Variants in SDK1 observed in about 807,000 individuals in gnomAD.
SDK1 encodes the protein sidekick cell adhesion molecule 1.
Under a neutral mutation model 245.5 loss-of-function variants are expected in SDK1, and 157 were observed. That is an observed-to-expected ratio of 0.64 (90% CI 0.56 to 0.73). The LOEUF (loss-of-function observed/expected upper bound fraction) is 0.73, where lower values mean the gene tolerates loss of function less well. Ranked by LOEUF, SDK1 falls within the 30% of genes least tolerant of loss-of-function variation. The pLI, the probability that SDK1 is intolerant of heterozygous loss-of-function variation, is 0.00. For missense variants in SDK1, 3,583 were observed against 3,002.3 expected (o/e 1.19, Z -4.52); for synonymous variants, 1,647 against 1,278.5 (o/e 1.29, Z -6.15).
chr7:4,034,714 GGT>G (rs1788090220), intron 17 of SDK1, among the ~76,000 whole-genome samples: 1 of 152,130 alleles, frequency 6.6e-6, no homozygotes, highest in African/African-American at 2.4e-5. Context: ...AAAAGATACA[GGT>G]ACAAGCCTAT....
rs527535287 is a variant in SDK1, at chr7:3,571,726, C to G, written c.299-47354C>G. ...AATCTGCTTTGAATCATGTGAGGAG[C>G]TCAATGAATATAACATTCTTGGTAA... On this transcript the variant is annotated intron_variant, in intron 1 of 44. Coordinates refer to ENST00000404826, the MANE Select transcript of SDK1 (RefSeq NM_152744.4). Among the ~76,000 whole-genome samples, 6 of 152,214 alleles carry G rather than the reference C, an allele frequency of 3.9e-5. No individual in the cohort carries two copies. In the East Asian group the frequency reaches 1.2e-3, roughly 29 times the overall value.
chr7:3,974,814 G>A (rs891145040), intron 13 of SDK1: 13 of 378,138 alleles, frequency 3.4e-5, no homozygotes, highest in East Asian at 5.2e-5. Flanking sequence ...TATTTTTCCC[G>A]TGGACACCTT....
chr7:3,519,129 A>C (rs1782844929), intron 1 of SDK1, among the ~76,000 whole-genome samples: 1 of 152,092 alleles, frequency 6.6e-6, no homozygotes, highest in African/African-American at 2.4e-5. Flanking sequence ...AGAACAGAGA[A>C]TAGGAGGGTT....
chr7:3,402,182 T>C (rs978288449), intron 1 of SDK1, among the ~76,000 whole-genome samples: 23 of 152,182 alleles, frequency 1.5e-4, no homozygotes, highest in African/African-American at 5.5e-4. Context: ...TGGCTCAGTA[T>C]CCTGCACTCA....
chr7:3,434,673 G>A lies in SDK1; in HGVS notation c.298+132789G>A, dbSNP rs577243599. On this transcript the variant is annotated intron_variant, in intron 1 of 44. Transcript: ENST00000404826. ...TTTCAGCCCAAGCCAACTTTACCGA[G>A]TGTGGATGGTTTTAACCAGTTCTCT... 5.9e-5 allele frequency among the ~76,000 whole-genome samples: 9 copies of A among 152,294 alleles called. No homozygotes were observed. In the South Asian group the frequency reaches 1.9e-3, roughly 32 times the overall value.
chr7:3,739,127 T>C (rs1779404426), intron 4 of SDK1, among the ~76,000 whole-genome samples: 1 of 152,194 alleles, frequency 6.6e-6, no homozygotes, highest in Admixed American at 6.5e-5. Flanking sequence ...CCCATTGCCT[T>C]CTGGATTCCA....
chr7:3,428,951 A>T (rs1244615987), intron 1 of SDK1, among the ~76,000 whole-genome samples: 2 of 152,336 alleles, frequency 1.3e-5, no homozygotes, highest in East Asian at 3.9e-4. Flanking sequence ...GTGGGTAGGG[A>T]TGTTAATGAC....
chr7:4,178,191 G>T (rs756352512), intron 34 of SDK1, among the ~76,000 whole-genome samples: 1 of 152,174 alleles, frequency 6.6e-6, no homozygotes, highest in Non-Finnish European at 1.5e-5. Flanking sequence ...CCCAGGGGTT[G>T]GGGACCCCTG....
At chr7:3,803,921 C>T (rs1020896732) in intron 4 of SDK1, among the ~76,000 whole-genome samples, 7 of 151,684 alleles carry the variant, frequency 4.6e-5, no homozygotes, top group Non-Finnish European at 5.9e-5. Context: ...CCCGCCACCA[C>T]GCCTGGTTAA....
At chr7:4,058,003 A>G (rs1779304836) in intron 19 of SDK1, among the ~76,000 whole-genome samples, 1 of 152,252 alleles carries the variant, frequency 6.6e-6, no homozygotes, top group East Asian at 1.9e-4. Flanking sequence ...ATGAAAATGC[A>G]AGGAAGTATA....
At chr7:3,979,055 T>A (rs1472382564) in intron 13 of SDK1, among the ~76,000 whole-genome samples, 1 of 152,164 alleles carries the variant, frequency 6.6e-6, no homozygotes, top group African/African-American at 2.4e-5. Flanking sequence ...GCAGTCCTGA[T>A]GGGGCTGCTG....
At position 4,056,521 on chromosome 7, in the gene SDK1, G is replaced by C. The variant is rs540065647; in HGVS notation, c.2911+4691G>C. Among the ~76,000 whole-genome samples, 3 of 152,254 alleles carry C rather than the reference G, an allele frequency of 2.0e-5. No homozygotes were observed. In the South Asian group the frequency reaches 6.2e-4, roughly 32 times the overall value. ...AAAGTGAAGTGCAGCAGCTCCTCCG[G>C]GACTGAGATCGGCTGGGAACCCAGA... is the stretch of plus-strand genomic sequence containing the variant. On this transcript the variant is annotated intron_variant, in intron 19 of 44. Coordinates refer to ENST00000404826, the MANE Select transcript of SDK1 (RefSeq NM_152744.4).
rs900192522 is a variant in SDK1, at chr7:4,194,362, G to A, written c.5099-11517G>A. Among the ~76,000 whole-genome samples, 16 of 96,384 alleles carry A rather than the reference G, an allele frequency of 1.7e-4. 1 individual carries two copies. Among genetic ancestry groups the A allele is most frequent in the South Asian group, 7.7e-4 (2 of 2,612 alleles). 63.2% of individuals were successfully genotyped at this position (96,384 alleles called of 152,430 possible). Reference sequence around the variant, plus strand: ...TACATGTATAGATATATGTATGCACGTATGTGTATACATGTATGTGTATAC... The same window carrying A: ...TACATGTATAGATATATGTATGCACATATGTGTATACATGTATGTGTATAC... On this transcript the variant is annotated intron_variant, in intron 35 of 44. Coordinates refer to ENST00000404826, the MANE Select transcript of SDK1 (RefSeq NM_152744.4).
intron 4 of SDK1, among the ~76,000 whole-genome samples, chr7:3,655,493 A>ATATG (rs1783150025): frequency 3.1e-5 from 2 of 65,414 alleles, no homozygotes; most frequent in Non-Finnish European, 7.3e-5. Context: ...ATATATATAT[A>ATATG]TATATATATA....
chr7:3,548,791 A>T (rs552225099), intron 1 of SDK1, among the ~76,000 whole-genome samples: 29 of 152,334 alleles, frequency 1.9e-4, no homozygotes, highest in Admixed American at 4.6e-4. Flanking sequence ...GCAAGTTTCT[A>T]ATTAACCTAG....
intron 14 of SDK1, among the ~76,000 whole-genome samples, chr7:4,008,947 G>A (rs1785714512): frequency 6.6e-6 from 1 of 152,140 alleles, no homozygotes; most frequent in East Asian, 1.9e-4. Flanking sequence ...TGGTAATTCT[G>A]TCTTAATTTT....
chr7:3,907,544 A>C (rs760745473), intron 5 of SDK1, among the ~76,000 whole-genome samples: 3 of 152,156 alleles, frequency 2.0e-5, no homozygotes, highest in Non-Finnish European at 2.9e-5. Context: ...GTTTCTGCCT[A>C]TTGGCTCTTG....
chr7:3,997,704 G>A (rs547721287), intron 14 of SDK1, among the ~76,000 whole-genome samples: 1 of 152,148 alleles, frequency 6.6e-6, no homozygotes, highest in Non-Finnish European at 1.5e-5. Flanking sequence ...GGGTGACCAT[G>A]AGTGGGCCTG....
chr7:3,500,091 G>T (rs1406215513), intron 1 of SDK1, among the ~76,000 whole-genome samples: 1 of 152,084 alleles, frequency 6.6e-6, no homozygotes, highest in Non-Finnish European at 1.5e-5. Context: ...TGGTTGGGTG[G>T]GTGAGTGGGG....
Sources: allele counts gnomAD v4.1 joint callset (sites outside exome capture counted in the v4.1 genomes callset), GRCh38; gene constraint gnomAD v4.1.1; transcripts MANE v1.5; gene names NCBI Gene and HGNC (gene_info 2026-07-23, HGNC 2026-07-21).